C12orf42: variants seen among roughly 807,000 people sequenced by gnomAD.
The protein encoded by C12orf42 is chromosome 12 open reading frame 42.
Under a neutral mutation model 21.6 loss-of-function variants are expected in C12orf42, and 25 were observed. The ratio of observed to expected loss-of-function variants is 1.16; its 90% confidence interval spans 0.84 to 1.62. The LOEUF (loss-of-function observed/expected upper bound fraction) is 1.62. Ranked by LOEUF, C12orf42 falls within the 40% of genes most tolerant of loss-of-function variation. The pLI is 0.00. For missense variants in C12orf42, 483 were observed against 459.3 expected, an observed-to-expected ratio of 1.05 and a Z score of -0.47; for synonymous variants, 174 against 175.0, an observed-to-expected ratio of 0.99 and a Z score of 0.05.
intron 2 of C12orf42, among the ~76,000 whole-genome samples, chr12:103,456,899 T>C (rs773663242): frequency 6.6e-6 from 1 of 152,202 alleles, no homozygotes; most frequent in East Asian, 1.9e-4. Context: ...CCATTTGTTC[T>C]TTATGTTTTC....
intron 1 of C12orf42, among the ~76,000 whole-genome samples, chr12:103,485,188 A>T (rs1954751793): frequency 6.6e-6 from 1 of 152,044 alleles, no homozygotes; most frequent in South Asian, 2.1e-4. Flanking sequence ...TTTTCTACAT[A>T]TGGCTAGCCA....
chr12:103,284,265 T>A (rs1051418489), intron 4 of C12orf42, among the ~76,000 whole-genome samples: 5 of 152,228 alleles, frequency 3.3e-5, no homozygotes, highest in African/African-American at 1.2e-4. Context: ...GAGAAAAGAA[T>A]GTTTTGTTAA....
intron 4 of C12orf42, among the ~76,000 whole-genome samples, chr12:103,290,577 A>G (rs2036741855): frequency 1.3e-5 from 2 of 152,186 alleles, no homozygotes; most frequent in East Asian, 3.8e-4. Context: ...GAAGGAACTA[A>G]CACACAATAC....
rs181796688 is a variant in C12orf42, at chr12:103,387,065, C to T, written c.147+14542G>A. ...TGACCATTTGTGAACACTTCTAGTG[C>T]GAAAGGGGAGCCTAGTAATAATTAT... On this transcript the variant is annotated intron_variant, in intron 3 of 5. Coordinates refer to ENST00000548883, the MANE Select transcript of C12orf42 (RefSeq NM_198521.5). Among the ~76,000 whole-genome samples the T allele has an allele frequency of 2.9e-3, 445 of 152,282 alleles. 5 individuals carry two copies. The highest frequency in any genetic ancestry group is 0.023 in the South Asian group (111 of 4,824).
At chr12:103,146,541 G>GAGAAAT in the C12orf42 span, among the ~76,000 whole-genome samples, 4 of 116,854 alleles carry the variant, frequency 3.4e-5, no homozygotes, top group African/African-American at 9.7e-5. Context: ...AAGAAAGAAA[G>GAGAAAT]AAAGAGAAAT....
the C12orf42 span, among the ~76,000 whole-genome samples, chr12:103,182,449 G>A: frequency 6.6e-6 from 1 of 152,178 alleles, no homozygotes; most frequent in South Asian, 2.1e-4. Flanking sequence ...AGGAGGAGCA[G>A]AGCAGGAATG....
the C12orf42 span, among the ~76,000 whole-genome samples, chr12:103,116,381 A>ATAT: frequency 4.8e-3 from 659 of 136,670 alleles, 3 homozygotes; most frequent in African/African-American, 0.011. Context: ...AAAAAAAAAA[A>ATAT]ATATATATAT....
At chr12:103,463,994 T>C (rs943192365) in intron 2 of C12orf42, among the ~76,000 whole-genome samples, 1 of 152,216 alleles carries the variant, frequency 6.6e-6, no homozygotes, top group Non-Finnish European at 1.5e-5. Flanking sequence ...TTTGGGTTGA[T>C]TCCATGTCTT....
At position 103,344,541 on chromosome 12, in the gene C12orf42, T is replaced by A. The variant is rs17033730; in HGVS notation, c.259+24346A>T. Among the ~76,000 whole-genome samples, 864 of 152,178 alleles carry A rather than the reference T, an allele frequency of 5.7e-3. 5 individuals carry two copies. Among genetic ancestry groups the A allele is most frequent in the African/African-American group, 0.018 (751 of 41,544 alleles). Reference sequence around the variant, plus strand: ...TGCCTATATACCCATCTTAGAGAAATTGACCCACCCATAGCCTGGTACCAT... The same window carrying A: ...TGCCTATATACCCATCTTAGAGAAAATGACCCACCCATAGCCTGGTACCAT... On this transcript the variant is annotated intron_variant, in intron 4 of 5. Transcript: ENST00000548883.
chr12:103,457,403 C>T (rs1772613093), intron 2 of C12orf42, among the ~76,000 whole-genome samples: 1 of 152,128 alleles, frequency 6.6e-6, no homozygotes, highest in African/African-American at 2.4e-5. Flanking sequence ...CCAAAAATTG[C>T]TAGTCTGCCC....
chr12:103,332,090 G>GA (rs2041287136), intron 4 of C12orf42, among the ~76,000 whole-genome samples: 1 of 152,142 alleles, frequency 6.6e-6, no homozygotes, highest in Non-Finnish European at 1.5e-5. Flanking sequence ...GAAGTATAAA[G>GA]AAAAGAGGTG....
chr12:103,124,155 CTTTTTTT>C, the C12orf42 span, among the ~76,000 whole-genome samples: 3 of 75,966 alleles, frequency 3.9e-5, no homozygotes, highest in African/African-American at 9.9e-5. Flanking sequence ...CAAACATAAG[CTTTTTTT>C]TTTTTTTTTT....
intron 5 of C12orf42, among the ~76,000 whole-genome samples, chr12:103,271,482 G>A (rs1326053254): frequency 6.6e-6 from 1 of 152,142 alleles, no homozygotes; most frequent in Non-Finnish European, 1.5e-5. Context: ...TGCTGGTTCT[G>A]CCAATCACTA....
chr12:103,559,962 A>G, the C12orf42 span: 8 of 152,232 alleles, frequency 5.3e-5, no homozygotes, highest in Non-Finnish European at 1.2e-4. Flanking sequence ...GCCTCAAGAC[A>G]GTTAAAGCAC....
At chr12:103,232,327 CTCTT>C in the C12orf42 span, among the ~76,000 whole-genome samples, 1 of 152,094 alleles carries the variant, frequency 6.6e-6, no homozygotes, top group Non-Finnish European at 1.5e-5. Flanking sequence ...AGCTCACCGA[CTCTT>C]TCTTTTATGG....
chr12:103,091,018 C>G, the C12orf42 span, among the ~76,000 whole-genome samples: 1 of 151,882 alleles, frequency 6.6e-6, no homozygotes, highest in African/African-American at 2.4e-5. Context: ...CCACTTGCTT[C>G]CTTTTTTATG....
the C12orf42 span, among the ~76,000 whole-genome samples, chr12:103,196,212 T>C: frequency 6.6e-6 from 1 of 152,184 alleles, no homozygotes. Context: ...CAAGAGGAGA[T>C]TGTTTAATTT....
At chr12:103,346,217 A>T (rs2042611004) in intron 4 of C12orf42, among the ~76,000 whole-genome samples, 1 of 152,208 alleles carries the variant, frequency 6.6e-6, no homozygotes, top group Non-Finnish European at 1.5e-5. Flanking sequence ...GCCATTAAAT[A>T]TTAAATTAGA....
intron 2 of C12orf42, among the ~76,000 whole-genome samples, chr12:103,441,851 C>T (rs1302690323): frequency 6.6e-6 from 1 of 152,128 alleles, no homozygotes; most frequent in Non-Finnish European, 1.5e-5. Flanking sequence ...TCTTAGAAAT[C>T]AAAAATCTAG....
Sources: gnomAD v4.1 joint callset for allele counts (sites outside exome capture counted in the v4.1 genomes callset) on GRCh38, gnomAD v4.1.1 for gene constraint, MANE v1.5 for transcripts, NCBI Gene and HGNC (gene_info 2026-07-23, HGNC 2026-07-21) for gene names.